The following FBH1 variants were observed in gnomAD, a reference collection of about 807,000 sequenced individuals.
The protein encoded by FBH1 is DNA 3'-5' helicase 1.
FBH1 carries 43 observed loss-of-function variants against 115.5 expected under a neutral mutation model. That is an observed-to-expected ratio of 0.37 (90% CI 0.29 to 0.48). The LOEUF (loss-of-function observed/expected upper bound fraction) is 0.48, where lower values mean the gene tolerates loss of function less well. FBH1 is among the 20% of genes least tolerant of loss of function. The pLI is 0.99. For synonymous variants in FBH1, 524 were observed against 507.8 expected, an observed-to-expected ratio of 1.03 and a Z score of -0.43; for missense variants, 1,001 against 1,337.3, an observed-to-expected ratio of 0.75 and a Z score of 3.92.
Position 5,897,131 on chromosome 10 carries a change from C to G in FBH1, c.2-5889C>G, listed in dbSNP as rs1235070228. 6.6e-6 allele frequency among the ~76,000 whole-genome samples: 1 copy of G among 152,140 alleles called. No homozygotes were observed. Among genetic ancestry groups the G allele is most frequent in the Non-Finnish European group, 1.5e-5 (1 of 68,028 alleles). On this transcript the variant is annotated intron_variant, in intron 1 of 20. Coordinates refer to ENST00000362091, the MANE Select transcript of FBH1 (RefSeq NM_178150.3). This position sits in a 1 kb window ranked among gnomAD's most constrained non-coding sequence, Gnocchi z 4.7. ...TAGTCACATATTTCTTCTGACGTTTCTGTTGCTAGGTGTTGACATAGATTT... is the reference window on the plus strand; with the variant it reads ...TAGTCACATATTTCTTCTGACGTTTGTGTTGCTAGGTGTTGACATAGATTT...
chr10:5,924,641 C>T lies in FBH1; in HGVS notation c.2596+133C>T, dbSNP rs190535124. 5.8e-5 allele frequency: 50 copies of T among 866,786 alleles called. No homozygotes were observed. The Admixed American group carries it at 1.0e-3, about 17-fold the overall frequency. The allele number at this position is 866,786 out of a possible 1,614,324, so 53.7% of individuals were successfully genotyped here. ...GGAGTGCAGTGGCGTGATCTTGGCTCACTGCAATGCCCACCTTCTGGGTTC... is the reference window on the plus strand; with the variant it reads ...GGAGTGCAGTGGCGTGATCTTGGCTTACTGCAATGCCCACCTTCTGGGTTC... On this transcript the variant is annotated intron_variant, in intron 17 of 20. Coordinates refer to ENST00000362091, the MANE Select transcript of FBH1 (RefSeq NM_178150.3). This position sits in a 1 kb window ranked among gnomAD's most constrained non-coding sequence, Gnocchi z 6.2.
chr10:5,895,340 A>AT lies in FBH1; in HGVS notation c.1+5003dup, dbSNP rs951841118. On this transcript the variant is annotated intron_variant, in intron 1 of 20. Transcript: ENST00000362091. The surrounding 1 kb of genome is among the most constrained non-coding windows in gnomAD (Gnocchi z 5.0). ...TACCTTGTACTAGCGAGTCAACTTG[A>AT]TTTTTTTTTGAAAAAGCAATTATTT... 4.8e-4 allele frequency among the ~76,000 whole-genome samples: 73 copies of AT among 151,672 alleles called. No homozygotes were observed. The highest frequency in any genetic ancestry group is 1.6e-3 in the African/African-American group (65 of 41,346).
Position 5,921,390 on chromosome 10 carries a change from T to TA in FBH1, c.2200+34dup, listed in dbSNP as rs763902924. The TA allele has an allele frequency of 2.5e-6, 4 of 1,610,868 alleles. No individual in the cohort carries two copies. In the East Asian group the frequency reaches 8.9e-5, roughly 36 times the overall value. On this transcript the variant is annotated intron_variant, in intron 14 of 20. Coordinates refer to ENST00000362091, the MANE Select transcript of FBH1 (RefSeq NM_178150.3). The surrounding 1 kb of genome is among the most constrained non-coding windows in gnomAD (Gnocchi z 6.4). ...TTTTAGTTACTCTTCTCTTTTGTGT[T>TA]ACAAAAGTTTTCCTCTTTATTTCAA...
At position 5,909,476 on chromosome 10, in the gene FBH1, G is replaced by A; in HGVS notation, c.1020+182G>A. The A allele has an allele frequency of 1.5e-6, 1 of 676,098 alleles. No homozygotes were observed. The highest frequency in any genetic ancestry group is 2.3e-5 in the South Asian group (1 of 44,168). The allele number at this position is 676,098 out of a possible 1,614,324, so 41.9% of individuals were successfully genotyped here. ...TGGAGAAATAAAAGGCCATATAATT[G>A]TAGAGTCTTAGATGTAGATGAAATT... On this transcript the variant is annotated intron_variant, in intron 5 of 20. Coordinates refer to ENST00000362091, the MANE Select transcript of FBH1 (RefSeq NM_178150.3). This position sits in a 1 kb window ranked among gnomAD's most constrained non-coding sequence, Gnocchi z 4.4.
rs1831415709 is a variant in FBH1 at position 5,909,322 on chromosome 10, G to A, written c.1020+28G>A. Reference sequence around the variant, plus strand: ...AGGTCTGGAGGCTGCGGGAGAAGGCGGCATGTTATTTCACTGGAGGAAAGT... The same window carrying A: ...AGGTCTGGAGGCTGCGGGAGAAGGCAGCATGTTATTTCACTGGAGGAAAGT... On this transcript the variant is annotated intron_variant, in intron 5 of 20. Transcript: ENST00000362091. This position sits in a 1 kb window ranked among gnomAD's most constrained non-coding sequence, Gnocchi z 4.4. 6 of 1,594,390 alleles carry A rather than the reference G, an allele frequency of 3.8e-6. No homozygotes were observed. The highest frequency in any genetic ancestry group is 1.3e-5 in the African/African-American group (1 of 74,630).
rs758611788 is a variant in FBH1, at chr10:5,915,613, G to A, written c.1565+42G>A. 29 of 1,589,224 alleles carry A rather than the reference G, an allele frequency of 1.8e-5. No individual in the cohort carries two copies. Among genetic ancestry groups the A allele is most frequent in the Middle Eastern group, 3.5e-4 (2 of 5,638 alleles). ...CTAGTGGCACTGTTGCTGCTGGCACGGTCGCGTCTTACTGTTTTCCCGTGA... is the reference window on the plus strand; with the variant it reads ...CTAGTGGCACTGTTGCTGCTGGCACAGTCGCGTCTTACTGTTTTCCCGTGA... On this transcript the variant is annotated intron_variant, in intron 9 of 20. Coordinates refer to ENST00000362091, the MANE Select transcript of FBH1 (RefSeq NM_178150.3). This position sits in a 1 kb window ranked among gnomAD's most constrained non-coding sequence, Gnocchi z 5.2.
At chr10:5,926,440 T>C (rs1168273981) in intron 18 of FBH1, among the ~76,000 whole-genome samples, 3 of 152,236 alleles carry the variant, frequency 2.0e-5, no homozygotes, top group Non-Finnish European at 4.4e-5. Flanking sequence ...AAATTTGTAC[T>C]CAAGGCTACT....
Position 5,917,106 on chromosome 10 carries a change from G to A in FBH1, c.1789-314G>A. 3.2e-6 allele frequency: 1 copy of A among 308,270 alleles called. No individual in the cohort carries two copies. The highest frequency in any genetic ancestry group is 6.2e-6 in the Non-Finnish European group (1 of 162,526). 19.1% of individuals were successfully genotyped at this position (308,270 alleles called of 1,614,324 possible). A position where few individuals can be genotyped will look rare whatever the true frequency, so the allele number is the denominator to read the frequency against. On this transcript the variant is annotated intron_variant, in intron 10 of 20. Coordinates refer to ENST00000362091, the MANE Select transcript of FBH1 (RefSeq NM_178150.3). This position sits in a 1 kb window ranked among gnomAD's most constrained non-coding sequence, Gnocchi z 5.6. ...TTTCATCAAGTCTTTTCAATCATGT[G>A]CCATTGTTTTTGTGAATTAAGCATC...
chr10:5,898,441 C>G (rs1199742405), intron 1 of FBH1, among the ~76,000 whole-genome samples: 3 of 151,086 alleles, frequency 2.0e-5, no homozygotes, highest in East Asian at 1.9e-4. Flanking sequence ...GACACAATCT[C>G]TCTCCATTGT....
In FBH1 at chr10:5,924,315, C is replaced by G. The variant is rs577703281; in HGVS notation, c.2403C>G (p.Asn801Lys). 143 of 1,614,120 alleles carry G rather than the reference C, an allele frequency of 8.9e-5. 1 individual carries two copies. In the South Asian group the frequency reaches 1.5e-3, roughly 16 times the overall value. Residue 801 changes from asparagine to lysine, a missense_variant, in exon 17 of 21, where the codon AAC becomes AAG. Transcript: ENST00000362091. This position sits in a 1 kb window ranked among gnomAD's most constrained non-coding sequence, Gnocchi z 6.2. ...LQPEEERRKQ[N>K]LVIKDKFIRR... is the part of the protein sequence containing the mutation. ...TTGTGTGTATATTCTTCTTAGAAAA[C>G]CTCGTCATTAAAGACAAATTTATCA...
At position 5,931,207 on chromosome 10, in the gene FBH1, C is replaced by A. The variant is rs1379016239; in HGVS notation, c.2829+3666C>A. 6.6e-6 allele frequency among the ~76,000 whole-genome samples: 1 copy of A among 152,206 alleles called. No individual in the cohort carries two copies. Among genetic ancestry groups the A allele is most frequent in the East Asian group, 1.9e-4 (1 of 5,206 alleles). On this transcript the variant is annotated intron_variant, in intron 19 of 20. Coordinates refer to ENST00000362091, the MANE Select transcript of FBH1 (RefSeq NM_178150.3). This position sits in a 1 kb window ranked among gnomAD's most constrained non-coding sequence, Gnocchi z 4.3. ...CTGGTGGCCCCTGGCCATCCTAGCA[C>A]CCTCCCTCCTTTCTGAGGGTAACTG...
Position 5,924,077 on chromosome 10 carries a change from G to A in FBH1, c.2399-234G>A. On this transcript the variant is annotated intron_variant, in intron 16 of 20. Transcript: ENST00000362091. This position sits in a 1 kb window ranked among gnomAD's most constrained non-coding sequence, Gnocchi z 6.2. ...CACTATTTCAAATCCCTGTGAAGTA[G>A]GTGAGGATCTTGAGCCGAGGGCTTT... The A allele has an allele frequency of 1.7e-6, 1 of 589,060 alleles. No individual in the cohort carries two copies. The allele number at this position is 589,060 out of a possible 1,614,324, so 36.5% of individuals were successfully genotyped here.
chr10:5,936,343 C>A lies in FBH1; in HGVS notation c.2830-113C>A. On this transcript the variant is annotated intron_variant, in intron 19 of 20. Transcript: ENST00000362091. This position sits in a 1 kb window ranked among gnomAD's most constrained non-coding sequence, Gnocchi z 5.6. ...AACGGGTTAGGCGGGGTTTTTCTCT[C>A]TGGGACTTACAGTGCATCTAAAGGG... is the stretch of plus-strand genomic sequence containing the variant. 1 of 1,278,770 alleles carries A rather than the reference C, an allele frequency of 7.8e-7. No homozygotes were observed. Among genetic ancestry groups the A allele is most frequent in the Non-Finnish European group, 1.1e-6 (1 of 919,852 alleles). The allele number at this position is 1,278,770 out of a possible 1,614,324, so 79.2% of individuals were successfully genotyped here. A position where few individuals can be genotyped will look rare whatever the true frequency, so the allele number is the denominator to read the frequency against.
intron 2 of FBH1, among the ~76,000 whole-genome samples, chr10:5,903,700 C>T (rs1843515613): frequency 6.6e-6 from 1 of 152,162 alleles, no homozygotes; most frequent in East Asian, 1.9e-4. Flanking sequence ...TGGAATGAAT[C>T]CTATTAGCTT....
chr10:5,911,309 G>A lies in FBH1; in HGVS notation c.1211+181G>A, dbSNP rs1831575574. Among the ~76,000 whole-genome samples the A allele has an allele frequency of 6.6e-6, 1 of 152,202 alleles. No homozygotes were observed. Among genetic ancestry groups the A allele is most frequent in the South Asian group, 2.1e-4 (1 of 4,824 alleles). On this transcript the variant is annotated intron_variant, in intron 6 of 20. Coordinates refer to ENST00000362091, the MANE Select transcript of FBH1 (RefSeq NM_178150.3). The surrounding 1 kb of genome is among the most constrained non-coding windows in gnomAD (Gnocchi z 5.4). ...CTGAGAGTTTGATGTGGAAAGGCTG[G>A]TAAGAGCGCCTTATGAACGTGCAGT... is the stretch of plus-strand genomic sequence containing the variant.
upstream of FBH1, chr10:5,890,116 C>A (rs1434560177): frequency 1.6e-5 from 5 of 321,806 alleles, no homozygotes; most frequent in Non-Finnish European, 2.3e-5. Context: ...TCCGTCAGCA[C>A]GCCCCCTCCG....
At chr10:5,927,632 C>G in intron 19 of FBH1, 91 bp downstream of exon 19, 1 of 923,918 alleles carries the variant, frequency 1.1e-6, no homozygotes, top group Middle Eastern at 2.2e-4. Context: ...CAGAGGCCTT[C>G]GGATCAAGAT....
rs550655497 is a variant in FBH1, at chr10:5,923,505, C to G, written c.2323-116C>G. On this transcript the variant is annotated intron_variant, in intron 15 of 20. Transcript: ENST00000362091. This position sits in a 1 kb window ranked among gnomAD's most constrained non-coding sequence, Gnocchi z 5.7. ...TCAAGATCCATTTCCAAGAAACCAT[C>G]TCATTTCAAAACCCCATCCCTGCAT... The G allele has an allele frequency of 1.0e-5, 8 of 769,904 alleles. No homozygotes were observed. Among genetic ancestry groups the G allele is most frequent in the African/African-American group, 1.8e-5 (1 of 57,036 alleles). The allele number at this position is 769,904 out of a possible 1,614,324, so 47.7% of individuals were successfully genotyped here.
intron 1 of FBH1, 71 bp downstream of exon 1, chr10:5,890,417 G>T: frequency 2.8e-6 from 1 of 358,984 alleles, no homozygotes; most frequent in Non-Finnish European, 5.2e-6. Context: ...AACCTCCGGG[G>T]TCCTGCGCGG....
Sources: allele counts gnomAD v4.1 joint callset (sites outside exome capture counted in the v4.1 genomes callset), GRCh38; gene constraint gnomAD v4.1.1; non-coding constraint Gnocchi (gnomAD v3.1); transcripts MANE v1.5; gene names NCBI Gene and HGNC (gene_info 2026-07-23, HGNC 2026-07-21).